The following ZNF678 variants were observed in gnomAD, a reference collection of about 807,000 sequenced individuals.
The protein encoded by ZNF678 is hypothetical protein MGC42493.
ZNF678 carries 5 observed loss-of-function variants against 3.0 expected under a neutral mutation model. That is an observed-to-expected ratio of 1.69 (90% confidence interval 0.88 to 3.56). The LOEUF (loss-of-function observed/expected upper bound fraction) is 3.56, where lower values mean the gene tolerates loss of function less well. Ranked by LOEUF, ZNF678 falls within the 30% of genes most tolerant of loss-of-function variation. The pLI is 0.00. For missense variants in ZNF678, 593 were observed against 605.0 expected (o/e 0.98, Z 0.21); for synonymous variants, 218 against 199.6 (o/e 1.09, Z -0.78).
At chr1:227,577,323 C>T (rs1407586053) in intron 1 of ZNF678, among the ~76,000 whole-genome samples, 2 of 151,924 alleles carry the variant, frequency 1.3e-5, no homozygotes, top group Non-Finnish European at 2.9e-5. Context: ...TGATCTAATA[C>T]TGTCAGTGGG....
chr1:227,570,910 A>G (rs1370167282), intron 1 of ZNF678, among the ~76,000 whole-genome samples: 1 of 152,190 alleles, frequency 6.6e-6, no homozygotes, highest in East Asian at 1.9e-4. Flanking sequence ...GATTAAGTTT[A>G]GTGCAGACAA....
intron 5 of ZNF678, among the ~76,000 whole-genome samples, chr1:227,671,380 A>G (rs1408864289): frequency 2.6e-5 from 4 of 152,090 alleles, no homozygotes; most frequent in African/African-American, 7.2e-5. Context: ...CCTATTTGCA[A>G]TTCTAGAGAA....
In ZNF678 at chr1:227,601,234, C is replaced by T. The variant is rs572081614; in HGVS notation, c.-164+37510C>T. Reference sequence around the variant, plus strand: ...TTATTTTTGCTTTGGATTTTCATGGCTATTCAGTCTTTTTTAAAAAAAAGT... The same window carrying T: ...TTATTTTTGCTTTGGATTTTCATGGTTATTCAGTCTTTTTTAAAAAAAAGT... On this transcript the variant is annotated intron_variant, in intron 1 of 3. Coordinates refer to ENST00000343776, the MANE Select transcript of ZNF678 (RefSeq NM_001367909.1). 2.6e-5 allele frequency among the ~76,000 whole-genome samples: 4 copies of T among 152,124 alleles called. No individual in the cohort carries two copies. The South Asian group carries it at 6.2e-4, about 24-fold the overall frequency.
Position 227,648,217 on chromosome 1 carries a change from C to T in ZNF678, c.-37+1547C>T, listed in dbSNP as rs180898145. ...TTAGGGAGCTTGGAAGATTGCTGAG[C>T]GTATATTAAACTCCCACCTTTTACC... On this transcript the variant is annotated intron_variant, in intron 2 of 3. Transcript: ENST00000343776. Among the ~76,000 whole-genome samples the T allele has an allele frequency of 2.3e-3, 357 of 152,138 alleles. 2 individuals are homozygous for T. The highest frequency in any genetic ancestry group is 7.7e-3 in the African/African-American group (318 of 41,520).
chr1:227,623,927 G>C (rs902274652), intron 1 of ZNF678, among the ~76,000 whole-genome samples: 2 of 152,078 alleles, frequency 1.3e-5, no homozygotes, highest in Non-Finnish European at 2.9e-5. Context: ...TATATATTTT[G>C]AATGGATAGA....
intron 1 of ZNF678, among the ~76,000 whole-genome samples, chr1:227,584,494 G>A (rs1305988491): frequency 6.6e-6 from 1 of 152,184 alleles, no homozygotes; most frequent in Non-Finnish European, 1.5e-5. Context: ...AGCTAAGGCT[G>A]ATCACTTTTG....
intron 1 of ZNF678, among the ~76,000 whole-genome samples, chr1:227,634,076 C>G (rs1163114773): frequency 6.6e-6 from 1 of 152,184 alleles, no homozygotes; most frequent in Non-Finnish European, 1.5e-5. Flanking sequence ...TCAGGAGGCT[C>G]CCTTTCCAAA....
intron 1 of ZNF678, among the ~76,000 whole-genome samples, chr1:227,569,844 T>G (rs114704807): frequency 1.5e-4 from 23 of 149,432 alleles, no homozygotes; most frequent in Admixed American, 2.0e-4. Flanking sequence ...ATTAGAATGG[T>G]CATAATATAG....
chr1:227,666,013 A>G (rs1435131700), downstream of ZNF678, among the ~76,000 whole-genome samples: 2 of 152,188 alleles, frequency 1.3e-5, no homozygotes, highest in Non-Finnish European at 2.9e-5. Flanking sequence ...GATACATCTT[A>G]ATTTTCAGAG....
intron 1 of ZNF678, among the ~76,000 whole-genome samples, chr1:227,584,999 A>G (rs1246570684): frequency 6.6e-6 from 1 of 152,236 alleles, no homozygotes; most frequent in Non-Finnish European, 1.5e-5. Flanking sequence ...TGACAACAGC[A>G]ATAACAGAAC....
rs559529271 is a variant in ZNF678 at position 227,643,790 on chromosome 1, T to C, written c.-163-2754T>C. 3.9e-5 allele frequency among the ~76,000 whole-genome samples: 6 copies of C among 152,044 alleles called. 1 individual carries two copies. The South Asian group carries it at 1.2e-3, about 32-fold the overall frequency. On this transcript the variant is annotated intron_variant, in intron 1 of 3. Transcript: ENST00000343776. Reference sequence around the variant, plus strand: ...CAATAAAAAGTTCCTCTGACCTATATGCCACACTTATTTCTGTGTCTCTTC... The same window carrying C: ...CAATAAAAAGTTCCTCTGACCTATACGCCACACTTATTTCTGTGTCTCTTC...
At chr1:227,600,777 C>T (rs1277671967) in intron 1 of ZNF678, among the ~76,000 whole-genome samples, 1 of 152,152 alleles carries the variant, frequency 6.6e-6, no homozygotes, top group African/African-American at 2.4e-5. Flanking sequence ...TACAGAAGCT[C>T]TTTAGTTTAA....
intron 1 of ZNF678, among the ~76,000 whole-genome samples, chr1:227,629,746 G>A (rs114113787): frequency 0.016 from 2,363 of 152,294 alleles, 71 homozygotes; most frequent in African/African-American, 0.053. Flanking sequence ...CCTGGGGTGC[G>A]GTGGGCCTTC....
intron 1 of ZNF678, among the ~76,000 whole-genome samples, chr1:227,582,223 C>T (rs1396398107): frequency 1.3e-5 from 2 of 151,978 alleles, no homozygotes; most frequent in East Asian, 3.9e-4. Flanking sequence ...TTTTTATTTT[C>T]TTAATTTTGA....
intron 1 of ZNF678, among the ~76,000 whole-genome samples, chr1:227,587,100 A>G (rs1347201068): frequency 6.6e-6 from 1 of 152,126 alleles, no homozygotes; most frequent in Non-Finnish European, 1.5e-5. Flanking sequence ...TTCTGCTCCT[A>G]GTTTTTGTAA....
At chr1:227,633,411 G>A (rs940722102) in intron 1 of ZNF678, among the ~76,000 whole-genome samples, 3 of 152,126 alleles carry the variant, frequency 2.0e-5, no homozygotes, top group African/African-American at 7.2e-5. Flanking sequence ...TAGCCTAATT[G>A]GTATTTTAGT....
intron 1 of ZNF678, among the ~76,000 whole-genome samples, chr1:227,571,227 T>C (rs1354833628): frequency 6.6e-6 from 1 of 152,252 alleles, no homozygotes; most frequent in Non-Finnish European, 1.5e-5. Flanking sequence ...TGTAAAATTG[T>C]ACTGCCATAC....
In ZNF678 at chr1:227,659,018, T is replaced by A. The variant is rs1659329038; in HGVS notation, c.*3190T>A. ...GGCAAGCAAAAAAGTTTAAATTTAG[T>A]TTTTTATAAATTACATATAGCACAA... On this transcript the variant is annotated 3_prime_UTR_variant, in exon 4 of 4. Coordinates refer to ENST00000343776, the MANE Select transcript of ZNF678 (RefSeq NM_001367909.1). 6.6e-6 allele frequency: 1 copy of A among 151,964 alleles called. No individual in the cohort carries two copies. Among genetic ancestry groups the A allele is most frequent in the Admixed American group, 6.6e-5 (1 of 15,258 alleles). 9.4% of individuals were successfully genotyped at this position (151,964 alleles called of 1,614,324 possible).
At chr1:227,592,913 G>T (rs1478280915) in intron 1 of ZNF678, among the ~76,000 whole-genome samples, 2 of 152,244 alleles carry the variant, frequency 1.3e-5, no homozygotes, top group Non-Finnish European at 2.9e-5. Flanking sequence ...TCCACTCGGG[G>T]ATGAACAAGG....
Sources: gnomAD v4.1 joint callset for allele counts (sites outside exome capture counted in the v4.1 genomes callset) on GRCh38, gnomAD v4.1.1 for gene constraint, MANE v1.5 for transcripts, NCBI Gene and HGNC (gene_info 2026-07-23, HGNC 2026-07-21) for gene names.